PEBP4: variants seen among roughly 807,000 people sequenced by gnomAD.
The protein encoded by PEBP4 is phosphatidylethanolamine-binding protein 4.
In PEBP4, 22 loss-of-function variants were observed where a neutral mutation model predicts 23.9. The observed-to-expected ratio is 0.92, with a 90% CI of 0.66 to 1.31. The LOEUF (loss-of-function observed/expected upper bound fraction) is 1.31, where lower values mean the gene tolerates loss of function less well. PEBP4 is among the 40% of genes most tolerant of loss of function. The pLI is 0.00. For missense variants in PEBP4, 324 were observed against 281.7 expected, an observed-to-expected ratio of 1.15 and a Z score of -1.07; for synonymous variants, 112 against 99.3, an observed-to-expected ratio of 1.13 and a Z score of -0.76.
intron 3 of PEBP4, chr8:22,895,636 CTTAA>C (rs1305705930): frequency 6.6e-6 from 1 of 152,172 alleles, no homozygotes; most frequent in Non-Finnish European, 1.5e-5. Context: ...GCTCTCTTTT[CTTAA>C]TGAGATCCCA....
At chr8:22,722,179 A>G (rs1278350991) in intron 6 of PEBP4, among the ~76,000 whole-genome samples, 1 of 127,372 alleles carries the variant, frequency 7.9e-6, no homozygotes, top group African/African-American at 3.3e-5. Context: ...CCATTTTCTC[A>G]CTTAAAAAAA....
At chr8:22,808,463 A>AAGAC (rs1297194896) in intron 4 of PEBP4, among the ~76,000 whole-genome samples, 1 of 152,248 alleles carries the variant, frequency 6.6e-6, no homozygotes, top group African/African-American at 2.4e-5. Context: ...AGAATATAAG[A>AAGAC]AGACACATTT....
intron 3 of PEBP4, among the ~76,000 whole-genome samples, chr8:22,915,202 T>A (rs1809047960): frequency 6.6e-6 from 1 of 152,110 alleles, no homozygotes; most frequent in African/African-American, 2.4e-5. Flanking sequence ...CTTTCTTCCA[T>A]TCTTCCACCT....
At chr8:22,779,892 A>C (rs1445551469) in intron 4 of PEBP4, among the ~76,000 whole-genome samples, 2 of 152,206 alleles carry the variant, frequency 1.3e-5, no homozygotes, top group African/African-American at 4.8e-5. Flanking sequence ...ACAACTGCTC[A>C]GTAGTTTGCC....
At chr8:22,863,100 G>A (rs542869429) in intron 3 of PEBP4, among the ~76,000 whole-genome samples, 11 of 152,160 alleles carry the variant, frequency 7.2e-5, no homozygotes, top group Non-Finnish European at 1.3e-4. Context: ...TTATTGTCAC[G>A]ACAGACTGGG....
chr8:22,827,890 T>C (rs1807005448), intron 3 of PEBP4, among the ~76,000 whole-genome samples: 1 of 152,236 alleles, frequency 6.6e-6, no homozygotes, highest in East Asian at 1.9e-4. Context: ...ACACTTATAA[T>C]TGTCTGTCTT....
intron 3 of PEBP4, among the ~76,000 whole-genome samples, chr8:22,828,878 G>A (rs1389277313): frequency 2.6e-5 from 4 of 151,796 alleles, no homozygotes; most frequent in Non-Finnish European, 4.4e-5. Flanking sequence ...CTCAACCATC[G>A]ACTTCCATAG....
chr8:22,766,720 G>A, intron 4 of PEBP4, among the ~76,000 whole-genome samples: 2 of 152,338 alleles, frequency 1.3e-5, no homozygotes, highest in Middle Eastern at 3.4e-3. Context: ...CCAATATGAA[G>A]ATGGTTCTTT....
At chr8:22,727,361 A>G in intron 4 of PEBP4, 141 bp from the exon 5 acceptor site, 2 of 816,576 alleles carry the variant, frequency 2.4e-6, no homozygotes, top group Non-Finnish European at 4.1e-6. Flanking sequence ...ATGGGAGAGG[A>G]GGAAAATGGG....
chr8:22,726,466 G>C (rs1024033440), intron 5 of PEBP4, among the ~76,000 whole-genome samples: 9 of 152,248 alleles, frequency 5.9e-5, no homozygotes, highest in African/African-American at 2.2e-4. Context: ...CCTCAAGGGA[G>C]ATAGAGACTA....
At chr8:22,730,914 C>T (rs948865822) in intron 4 of PEBP4, among the ~76,000 whole-genome samples, 2 of 152,138 alleles carry the variant, frequency 1.3e-5, no homozygotes, top group Non-Finnish European at 2.9e-5. Context: ...GGTTTATGGC[C>T]CAACCTGCAG....
At chr8:22,914,053 T>C (rs1432915254) in intron 3 of PEBP4, among the ~76,000 whole-genome samples, 4 of 150,414 alleles carry the variant, frequency 2.7e-5, no homozygotes, top group Non-Finnish European at 4.4e-5. Context: ...AGTGGCGCGA[T>C]CTAGGCTCAC....
chr8:22,866,145 T>G (rs1328161424), intron 3 of PEBP4, among the ~76,000 whole-genome samples: 1 of 152,240 alleles, frequency 6.6e-6, no homozygotes, highest in African/African-American at 2.4e-5. Context: ...CTTGCTTGTC[T>G]CACAGTCACC....
At chr8:22,915,497 G>A (rs776825866) in intron 3 of PEBP4, among the ~76,000 whole-genome samples, 5 of 151,150 alleles carry the variant, frequency 3.3e-5, no homozygotes, top group Non-Finnish European at 4.4e-5. Context: ...ATGCTTGCCC[G>A]CTACCTGTCT....
At chr8:22,921,740 G>A (rs544696885) in intron 2 of PEBP4, among the ~76,000 whole-genome samples, 55 of 152,350 alleles carry the variant, frequency 3.6e-4, no homozygotes, top group Non-Finnish European at 6.8e-4. Flanking sequence ...AGCAATTCTT[G>A]GTGGATGGCA....
At chr8:22,848,099 C>T (rs548161644) in intron 3 of PEBP4, among the ~76,000 whole-genome samples, 11 of 152,252 alleles carry the variant, frequency 7.2e-5, no homozygotes, top group African/African-American at 2.6e-4. Flanking sequence ...TCATTACCTG[C>T]ACACTGTGAG....
At chr8:22,824,663 T>A (rs1806929875) in intron 3 of PEBP4, among the ~76,000 whole-genome samples, 1 of 152,186 alleles carries the variant, frequency 6.6e-6, no homozygotes, top group Non-Finnish European at 1.5e-5. Flanking sequence ...GGGTCCCATG[T>A]GGAGGTGATG....
intron 3 of PEBP4, among the ~76,000 whole-genome samples, chr8:22,905,479 CT>C (rs1300832175): frequency 6.6e-6 from 1 of 152,188 alleles, no homozygotes; most frequent in Non-Finnish European, 1.5e-5. Flanking sequence ...CTTTTTATCC[CT>C]TTGTCCTTTG....
chr8:22,728,102 G>C (rs193154319), intron 4 of PEBP4, among the ~76,000 whole-genome samples: 1 of 152,072 alleles, frequency 6.6e-6, no homozygotes, highest in African/African-American at 2.4e-5. Context: ...TGAGTCTGCC[G>C]ACACCTAACT....
Sources: allele counts gnomAD v4.1 joint callset (sites outside exome capture counted in the v4.1 genomes callset), GRCh38; gene constraint gnomAD v4.1.1; transcripts MANE v1.5; gene names NCBI Gene and HGNC (gene_info 2026-07-23, HGNC 2026-07-21).